Variants in ANXA10 observed in about 807,000 individuals in gnomAD.
ANXA10 encodes annexin 14.
In ANXA10, 49 loss-of-function variants were observed where a neutral mutation model predicts 53.5. The observed-to-expected ratio is 0.92, with a 90% confidence interval of 0.73 to 1.16. The LOEUF is 1.16. ANXA10 is among the 50% of genes most tolerant of loss of function. The probability of loss-of-function intolerance (pLI) is 0.00; values close to 1 mark genes in which losing one functional copy is unlikely to be tolerated. For missense variants in ANXA10, 393 were observed against 394.4 expected (o/e 1.00, Z 0.03); for synonymous variants, 131 against 128.9 (o/e 1.02, Z -0.11).
intron 6 of ANXA10, among the ~76,000 whole-genome samples, chr4:168,170,192 T>C (rs1731957423): frequency 6.6e-6 from 1 of 152,210 alleles, no homozygotes; most frequent in Non-Finnish European, 1.5e-5. Flanking sequence ...TCACTGGTTT[T>C]TACCTAATTT....
intron 3 of ANXA10, among the ~76,000 whole-genome samples, chr4:168,155,824 TATATGATATATCATATATAATATA>T (rs1731629805): frequency 1.0e-4 from 1 of 9,532 alleles, no homozygotes. Context: ...TTATATATGA[TATATGATATATCATATATAATATA>T]ATATATCATA....
At chr4:168,180,509 G>T (rs778436351) in intron 9 of ANXA10, among the ~76,000 whole-genome samples, 1 of 152,188 alleles carries the variant, frequency 6.6e-6, no homozygotes, top group Non-Finnish European at 1.5e-5. Flanking sequence ...TCACTCAGCA[G>T]ACATTTATTC....
intron 3 of ANXA10, among the ~76,000 whole-genome samples, chr4:168,141,924 C>A (rs932865453): frequency 1.3e-5 from 2 of 152,072 alleles, no homozygotes; most frequent in African/African-American, 2.4e-5. Context: ...TTAGTCAGTG[C>A]GCATGCGTGG....
chr4:168,163,195 A>G (rs552117920), intron 4 of ANXA10, among the ~76,000 whole-genome samples: 1 of 152,306 alleles, frequency 6.6e-6, no homozygotes, highest in South Asian at 2.1e-4. Context: ...TCTTACAGGA[A>G]AGTCATTTCC....
Position 168,092,627 on chromosome 4 carries a change from C to CT in ANXA10, c.-73dup. 7.2e-7 allele frequency: 1 copy of CT among 1,396,586 alleles called. No homozygotes were observed. The highest frequency in any genetic ancestry group is 1.9e-5 in the Admixed American group (1 of 52,250). 86.5% of individuals were successfully genotyped at this position (1,396,586 alleles called of 1,614,324 possible). ...ATTTAACAGTGAACCTTAATTCTTT[C>CT]TGGCTTCACAGTGAAACAAGTTTAT... On this transcript the variant is annotated 5_prime_UTR_variant, in exon 1 of 12. Coordinates refer to ENST00000359299, the MANE Select transcript of ANXA10 (RefSeq NM_007193.5).
chr4:168,160,083 C>T (rs974974147), intron 3 of ANXA10, among the ~76,000 whole-genome samples: 3 of 152,050 alleles, frequency 2.0e-5, no homozygotes, highest in Admixed American at 6.6e-5. Context: ...TTCAGGGATA[C>T]GTGTGCAGAA....
chr4:168,175,628 A>G (rs1003700458), intron 6 of ANXA10, among the ~76,000 whole-genome samples: 3 of 152,214 alleles, frequency 2.0e-5, no homozygotes, highest in African/African-American at 7.2e-5. Flanking sequence ...CCTACCACTC[A>G]ATAACATTAT....
chr4:168,158,857 G>C (rs1156374634), intron 3 of ANXA10, among the ~76,000 whole-genome samples: 1 of 152,144 alleles, frequency 6.6e-6, no homozygotes, highest in Non-Finnish European at 1.5e-5. Flanking sequence ...CTGGAGGTGG[G>C]CCTGAAGATA....
At chr4:168,159,567 C>T (rs1430871074) in intron 3 of ANXA10, among the ~76,000 whole-genome samples, 4 of 152,252 alleles carry the variant, frequency 2.6e-5, no homozygotes, top group Non-Finnish European at 5.9e-5. Context: ...CTTTAATTAA[C>T]ATTGGGAAAT....
intron 2 of ANXA10, among the ~76,000 whole-genome samples, chr4:168,131,452 G>A (rs1268220355): frequency 6.6e-6 from 1 of 151,914 alleles, no homozygotes; most frequent in African/African-American, 2.4e-5. Flanking sequence ...TGCTTTTGTG[G>A]CAATAAGCAT....
chr4:168,127,562 G>A (rs1731088234), intron 1 of ANXA10, among the ~76,000 whole-genome samples: 2 of 151,760 alleles, frequency 1.3e-5, no homozygotes, highest in Non-Finnish European at 1.5e-5. Context: ...CTTACTGTTT[G>A]TCAAGAAGAT....
At chr4:168,108,910 T>C (rs1730758525) in intron 1 of ANXA10, among the ~76,000 whole-genome samples, 1 of 152,134 alleles carries the variant, frequency 6.6e-6, no homozygotes, top group South Asian at 2.1e-4. Context: ...CACTATCACC[T>C]CTACCCAAAT....
intron 6 of ANXA10, among the ~76,000 whole-genome samples, chr4:168,165,884 C>CA (rs1731869179): frequency 6.6e-6 from 1 of 152,076 alleles, no homozygotes; most frequent in Non-Finnish European, 1.5e-5. Flanking sequence ...ACCATGTTGG[C>CA]AAGGCTGGTC....
At chr4:168,141,940 G>A (rs1258809192) in intron 3 of ANXA10, among the ~76,000 whole-genome samples, 1 of 152,098 alleles carries the variant, frequency 6.6e-6, no homozygotes, top group Non-Finnish European at 1.5e-5. Context: ...CGTGGGCCAG[G>A]GGTTGGATAC....
chr4:168,178,749 A>C (rs1009073706), intron 8 of ANXA10, among the ~76,000 whole-genome samples: 1 of 152,200 alleles, frequency 6.6e-6, no homozygotes, highest in African/African-American at 2.4e-5. Context: ...CCTAGTCTAC[A>C]CCCAAAAAGT....
chr4:168,146,668 T>G (rs766912413), intron 3 of ANXA10, among the ~76,000 whole-genome samples: 26 of 152,204 alleles, frequency 1.7e-4, no homozygotes, highest in Non-Finnish European at 1.8e-4. Flanking sequence ...TGGATTCCAG[T>G]TGGTCTCATC....
intron 1 of ANXA10, among the ~76,000 whole-genome samples, chr4:168,125,635 TAAA>T (rs149034511): frequency 0.036 from 5,488 of 152,264 alleles, 124 homozygotes; most frequent in Middle Eastern, 0.051. Flanking sequence ...TATGAGATAG[TAAA>T]AATAATTTTT....
intron 2 of ANXA10, among the ~76,000 whole-genome samples, chr4:168,136,713 G>A (rs1365140800): frequency 1.3e-5 from 2 of 152,168 alleles, no homozygotes; most frequent in African/African-American, 2.4e-5. Context: ...TTTTCCAGGT[G>A]CATGGTGCAA....
At chr4:168,167,121 G>T (rs529422176) in intron 6 of ANXA10, among the ~76,000 whole-genome samples, 1 of 152,036 alleles carries the variant, frequency 6.6e-6, no homozygotes, top group Admixed American at 6.6e-5. Flanking sequence ...TAATCTAAAC[G>T]TTTCTGTGGC....
Sources: gnomAD v4.1 joint callset for allele counts (sites outside exome capture counted in the v4.1 genomes callset) on GRCh38, gnomAD v4.1.1 for gene constraint, MANE v1.5 for transcripts, NCBI Gene and HGNC (gene_info 2026-07-23, HGNC 2026-07-21) for gene names.